Variants in BRIP1 observed in about 807,000 individuals in gnomAD.
BRIP1 encodes BRCA1 interacting DNA helicase 1.
A neutral mutation model predicts 119.7 loss-of-function variants in BRIP1; 88 were observed. The observed-to-expected ratio is 0.74, with a 90% CI of 0.62 to 0.88. BRIP1 has a LOEUF of 0.88. Among genes scored for constraint, BRIP1 ranks in the 40% least tolerant of loss-of-function variants. The pLI, the probability that BRIP1 is intolerant of heterozygous loss-of-function variation, is 0.00. For synonymous variants in BRIP1, 443 were observed against 496.5 expected, an observed-to-expected ratio of 0.89 and a Z score of 1.43; for missense variants, 1,259 against 1,455.4, an observed-to-expected ratio of 0.87 and a Z score of 2.20.
chr17:61,835,688 C>A (rs1216702749), intron 6 of BRIP1, among the ~76,000 whole-genome samples: 1 of 150,540 alleles, frequency 6.6e-6, no homozygotes. Flanking sequence ...TTTTTTCACA[C>A]ATACTGTTAA....
Position 61,769,289 on chromosome 17 carries a change from T to TA in BRIP1, c.2097+7111dup, listed in dbSNP as rs1267176084. 6.6e-6 allele frequency among the ~76,000 whole-genome samples: 1 copy of TA among 152,208 alleles called. No individual in the cohort carries two copies. The highest frequency in any genetic ancestry group is 1.5e-5 in the Non-Finnish European group (1 of 68,032). ...ATAAATGTGTACTGTTTTACGGTGC[T>TA]AATTTTGTGGTAATTTGTTATGCAG... On this transcript the variant is annotated intron_variant, in intron 14 of 19. Transcript: ENST00000259008. The surrounding 1 kb of genome is among the most constrained non-coding windows in gnomAD (Gnocchi z 4.9).
intron 3 of BRIP1, 39 bp downstream of exon 3, chr17:61,859,757 T>A: frequency 7.8e-7 from 1 of 1,288,390 alleles, no homozygotes; most frequent in Non-Finnish European, 1.1e-6. Flanking sequence ...TTTTCTCAGA[T>A]CCCAGTAAGT....
At position 61,761,454 on chromosome 17, in the gene BRIP1, G is replaced by GA. The variant is rs959981319; in HGVS notation, c.2097+14946dup. Among the ~76,000 whole-genome samples the GA allele has an allele frequency of 6.6e-6, 1 of 151,602 alleles. No individual in the cohort carries two copies. The highest frequency in any genetic ancestry group is 2.4e-5 in the African/African-American group (1 of 41,334). On this transcript the variant is annotated intron_variant, in intron 14 of 19. Transcript: ENST00000259008. The surrounding 1 kb of genome is among the most constrained non-coding windows in gnomAD (Gnocchi z 6.4). Reference sequence around the variant, plus strand: ...AAATAAAAAGCATCCAAATAGAAAAGAAAAAAGTGAAACTGCCCCTGTTTG... The same window carrying GA: ...AAATAAAAAGCATCCAAATAGAAAAGAAAAAAAGTGAAACTGCCCCTGTTTG...
Position 61,742,869 on chromosome 17 carries a change from C to A in BRIP1, c.2379+144G>T. The A allele has an allele frequency of 9.8e-7, 1 of 1,019,446 alleles. No individual in the cohort carries two copies. The highest frequency in any genetic ancestry group is 1.5e-5 in the South Asian group (1 of 67,730). 63.2% of individuals were successfully genotyped at this position (1,019,446 alleles called of 1,614,324 possible). On this transcript the variant is annotated intron_variant, in intron 16 of 19. Transcript: ENST00000259008. The surrounding 1 kb of genome is among the most constrained non-coding windows in gnomAD (Gnocchi z 4.7). ...TGGAAAAATGGTGCTGAAAGACTTG[C>A]ACAATGCAGGGTTACCATAAACCTT...
rs1052766179 is a variant in BRIP1, at chr17:61,709,460, T to C, written c.2492+6491A>G. Among the ~76,000 whole-genome samples the C allele has an allele frequency of 6.6e-6, 1 of 152,082 alleles. No homozygotes were observed. The highest frequency in any genetic ancestry group is 6.6e-5 in the Admixed American group (1 of 15,258). ...TTTGATATTATTTTAAAGTAACCTA[T>C]AGGCTCCAAGGCAACAGACCATAAC... On this transcript the variant is annotated intron_variant, in intron 17 of 19. Transcript: ENST00000259008. The surrounding 1 kb of genome is among the most constrained non-coding windows in gnomAD (Gnocchi z 5.0).
In BRIP1 at chr17:61,752,578, G is replaced by A. The variant is rs540045833; in HGVS notation, c.2098-7987C>T. Among the ~76,000 whole-genome samples the A allele has an allele frequency of 2.7e-4, 41 of 152,222 alleles. No individual in the cohort carries two copies. The South Asian group carries it at 8.5e-3, about 32-fold the overall frequency. Reference sequence around the variant, plus strand: ...ATAACCCTAAAAGTTACTATTTATTGCCCTGTAGTACATCAACCAGTTTTC... The same window carrying A: ...ATAACCCTAAAAGTTACTATTTATTACCCTGTAGTACATCAACCAGTTTTC... On this transcript the variant is annotated intron_variant, in intron 14 of 19. Transcript: ENST00000259008. This position sits in a 1 kb window ranked among gnomAD's most constrained non-coding sequence, Gnocchi z 6.2.
rs981491063 is a variant in BRIP1 at position 61,799,848 on chromosome 17, G to A, written c.1141-549C>T. ...ATCCTTCTCCAACATGGGAGTTGGA[G>A]AATTGTTCTTCTCCAACTCCCATGT... is the stretch of plus-strand genomic sequence containing the variant. On this transcript the variant is annotated intron_variant, in intron 8 of 19. Transcript: ENST00000259008. This position sits in a 1 kb window ranked among gnomAD's most constrained non-coding sequence, Gnocchi z 5.1. Among the ~76,000 whole-genome samples the A allele has an allele frequency of 2.6e-5, 4 of 152,010 alleles. No homozygotes were observed. The highest frequency in any genetic ancestry group is 5.9e-5 in the Non-Finnish European group (4 of 67,966).
chr17:61,791,142 A>T (rs1323034816), intron 10 of BRIP1, among the ~76,000 whole-genome samples: 2 of 151,784 alleles, frequency 1.3e-5, no homozygotes, highest in African/African-American at 2.4e-5. Flanking sequence ...TATTTTCATC[A>T]TTTTTTTTGT....
rs2078245769 is a variant in BRIP1 at position 61,816,926 on chromosome 17, T to G, written c.628-8169A>C. Among the ~76,000 whole-genome samples the G allele has an allele frequency of 3.9e-5, 6 of 152,200 alleles. No individual in the cohort carries two copies. The highest frequency in any genetic ancestry group is 3.9e-4 in the Admixed American group (6 of 15,278). ...AACTGATTCAGGCAAGTTACATAAA[T>G]GGATGCTGAAATCTTTCAGTGAAAA... On this transcript the variant is annotated intron_variant, in intron 6 of 19. Coordinates refer to ENST00000259008, the MANE Select transcript of BRIP1 (RefSeq NM_032043.3). This position sits in a 1 kb window ranked among gnomAD's most constrained non-coding sequence, Gnocchi z 5.0.
rs2076832327 is a variant in BRIP1 at position 61,730,655 on chromosome 17, T to C, written c.2379+12358A>G. On this transcript the variant is annotated intron_variant, in intron 16 of 19. Transcript: ENST00000259008. The surrounding 1 kb of genome is among the most constrained non-coding windows in gnomAD (Gnocchi z 4.3). ...ATCAAAACCAAAAGTTTTTATTTAT[T>C]AATTATCCAGAGAAACTTCCAGCAA... 6.6e-6 allele frequency among the ~76,000 whole-genome samples: 1 copy of C among 152,204 alleles called. No homozygotes were observed. Among genetic ancestry groups the C allele is most frequent in the South Asian group, 2.1e-4 (1 of 4,832 alleles).
rs1244063518 is a variant in BRIP1, at chr17:61,830,371, A to G, written c.627+16730T>C. On this transcript the variant is annotated intron_variant, in intron 6 of 19. Transcript: ENST00000259008. The stretch of plus-strand genomic sequence containing the variant: ...AGAAAGTCAACAAAAACTTTTTAAA[A>G]GATCAATAAAATGGATAAACCTCTA... Among the ~76,000 whole-genome samples the G allele has an allele frequency of 2.6e-5, 4 of 151,972 alleles. No individual in the cohort carries two copies. The South Asian group carries it at 8.3e-4, about 31-fold the overall frequency.
rs2078771382 is a variant in BRIP1 at position 61,848,784 on chromosome 17, T to C, written c.507+345A>G. 1.3e-5 allele frequency among the ~76,000 whole-genome samples: 2 copies of C among 152,200 alleles called. No homozygotes were observed. The highest frequency in any genetic ancestry group is 1.3e-4 in the Admixed American group (2 of 15,278). On this transcript the variant is annotated intron_variant, in intron 5 of 19. Coordinates refer to ENST00000259008, the MANE Select transcript of BRIP1 (RefSeq NM_032043.3). The surrounding 1 kb of genome is among the most constrained non-coding windows in gnomAD (Gnocchi z 4.3). ...CATGAATAATCATATCAAAGGTATTTTAGCCAAAAGGAAATGCTATTTTAA... is the reference window on the plus strand; with the variant it reads ...CATGAATAATCATATCAAAGGTATTCTAGCCAAAAGGAAATGCTATTTTAA...
Position 61,703,167 on chromosome 17 carries a change from C to T in BRIP1, c.2493-9655G>A, listed in dbSNP as rs7207170. Among the ~76,000 whole-genome samples, 1,561 of 152,142 alleles carry T rather than the reference C, an allele frequency of 0.01. 19 individuals carry two copies. The highest frequency in any genetic ancestry group is 0.034 in the African/African-American group (1,425 of 41,490). ...GCAAACTCCACCTCCCGGGTTCAAA[C>T]GATTCTCCTGCTTAGCCTCCCAAGT... On this transcript the variant is annotated intron_variant, in intron 17 of 19. Transcript: ENST00000259008. This position sits in a 1 kb window ranked among gnomAD's most constrained non-coding sequence, Gnocchi z 5.0.
chr17:61,811,229 TTTTGCTTTTTTTGA>T (rs949958768), intron 6 of BRIP1, among the ~76,000 whole-genome samples: 5 of 152,058 alleles, frequency 3.3e-5, no homozygotes, highest in Admixed American at 3.3e-4. Flanking sequence ...TTTCTTTTTG[TTTTGCTTTTTTTGA>T]GACAGACTTT....
intron 10 of BRIP1, 30 bp from the exon 11 acceptor site, chr17:61,784,454 G>C (rs374100914): frequency 1.9e-6 from 3 of 1,581,244 alleles, no homozygotes; most frequent in African/African-American, 1.4e-5. Flanking sequence ...TAAGTATAGA[G>C]GGGTTGGGAG....
chr17:61,861,853 C>T lies in BRIP1; in HGVS notation c.-30-284G>A. ...TAAGCCACAGTGACTGCATGTACCC[C>T]ATAGGATTGTGGTAATGATTAAGTG... On this transcript the variant is annotated intron_variant, in intron 1 of 19. Coordinates refer to ENST00000259008, the MANE Select transcript of BRIP1 (RefSeq NM_032043.3). This position sits in a 1 kb window ranked among gnomAD's most constrained non-coding sequence, Gnocchi z 4.5. 2 of 445,376 alleles carry T rather than the reference C, an allele frequency of 4.5e-6. No individual in the cohort carries two copies. Among genetic ancestry groups the T allele is most frequent in the Non-Finnish European group, 8.3e-6 (2 of 241,718 alleles). 27.6% of individuals were successfully genotyped at this position (445,376 alleles called of 1,614,324 possible).
intron 18 of BRIP1, among the ~76,000 whole-genome samples, chr17:61,688,101 G>C (rs1180547835): frequency 6.6e-6 from 1 of 152,186 alleles, no homozygotes; most frequent in Non-Finnish European, 1.5e-5. Flanking sequence ...TCAAGGAGCT[G>C]TCTAGGGACT....
Position 61,861,389 on chromosome 17 carries a change from T to C in BRIP1, c.93+58A>G, listed in dbSNP as rs931815044. 10 of 1,136,766 alleles carry C rather than the reference T, an allele frequency of 8.8e-6. No homozygotes were observed. The Admixed American group carries it at 1.2e-4, about 14-fold the overall frequency. The allele number at this position is 1,136,766 out of a possible 1,614,324, so 70.4% of individuals were successfully genotyped here. A position where few individuals can be genotyped will look rare whatever the true frequency, so the allele number is the denominator to read the frequency against. On this transcript the variant is annotated intron_variant, in intron 2 of 19. Coordinates refer to ENST00000259008, the MANE Select transcript of BRIP1 (RefSeq NM_032043.3). The surrounding 1 kb of genome is among the most constrained non-coding windows in gnomAD (Gnocchi z 4.5). Reference sequence around the variant, plus strand: ...GAATGCAGTCAAATACTCAATGTACTTTATGGGTCATAAGTATCTATATCT... The same window carrying C: ...GAATGCAGTCAAATACTCAATGTACCTTATGGGTCATAAGTATCTATATCT...
In BRIP1 at chr17:61,738,273, CAGA is replaced by C. The variant is rs1269145397; in HGVS notation, c.2379+4737_2379+4739del. Among the ~76,000 whole-genome samples the C allele has an allele frequency of 1.3e-5, 2 of 152,156 alleles. No homozygotes were observed. The highest frequency in any genetic ancestry group is 2.4e-5 in the African/African-American group (1 of 41,436). ...AAGTCACTAAGTTTTGGAGTTGTTA[CAGA>C]AGAAGAACTGATCCAGACATATGGC... On this transcript the variant is annotated intron_variant, in intron 16 of 19. Coordinates refer to ENST00000259008, the MANE Select transcript of BRIP1 (RefSeq NM_032043.3). This position sits in a 1 kb window ranked among gnomAD's most constrained non-coding sequence, Gnocchi z 4.2.
Sources: gnomAD v4.1 joint callset for allele counts (sites outside exome capture counted in the v4.1 genomes callset) on GRCh38, gnomAD v4.1.1 for gene constraint, Gnocchi (gnomAD v3.1) non-coding constraint, MANE v1.5 for transcripts, NCBI Gene and HGNC (gene_info 2026-07-23, HGNC 2026-07-21) for gene names.